Variants in YEATS2 observed in about 807,000 individuals in gnomAD.
YEATS2 encodes the protein YEATS domain containing 2.
YEATS2 carries 77 observed loss-of-function variants against 163.2 expected under a neutral mutation model. The ratio of observed to expected loss-of-function variants is 0.47; its 90% CI spans 0.39 to 0.57. YEATS2 has a LOEUF of 0.57. YEATS2 is among the 20% of genes least tolerant of loss of function. The pLI, the probability that YEATS2 is intolerant of heterozygous loss-of-function variation, is 0.00. For missense variants in YEATS2, 1,549 were observed against 1,729.8 expected (o/e 0.90, Z 1.85); for synonymous variants, 631 against 645.1 (o/e 0.98, Z 0.33).
chr3:183,790,460 C>T (rs1255501329), intron 20 of YEATS2, among the ~76,000 whole-genome samples: 1 of 152,050 alleles, frequency 6.6e-6, no homozygotes, highest in African/African-American at 2.4e-5. Context: ...CATTTTTAGT[C>T]CATGTGTATA....
chr3:183,775,279 G>C (rs548596430), intron 17 of YEATS2, among the ~76,000 whole-genome samples: 3 of 152,302 alleles, frequency 2.0e-5, no homozygotes, highest in Non-Finnish European at 4.4e-5. Context: ...GCACCTAGCT[G>C]AGCACATTTA....
At chr3:183,798,795 G>A (rs1046190867) in intron 22 of YEATS2, 96 bp from the exon 23 acceptor site, 8 of 942,640 alleles carry the variant, frequency 8.5e-6, no homozygotes, top group South Asian at 2.7e-5. Flanking sequence ...CCTTTGTGCT[G>A]TTAGTCTAAT....
chr3:183,777,176 C>T (rs962766041), intron 18 of YEATS2, among the ~76,000 whole-genome samples: 20 of 152,304 alleles, frequency 1.3e-4, no homozygotes, highest in Admixed American at 2.0e-4. Flanking sequence ...CTCGTCTCCT[C>T]TTGTCACTGA....
chr3:183,701,690 C>T (rs1021584048), intron 1 of YEATS2, among the ~76,000 whole-genome samples: 2 of 152,184 alleles, frequency 1.3e-5, no homozygotes, highest in African/African-American at 4.8e-5. Flanking sequence ...GCCACTGTGC[C>T]TGGCCTAAAA....
intron 7 of YEATS2, among the ~76,000 whole-genome samples, chr3:183,736,115 T>C (rs1241804340): frequency 1.3e-5 from 2 of 152,238 alleles, no homozygotes; most frequent in African/African-American, 4.8e-5. Flanking sequence ...CCCTCCTTTT[T>C]TCTTCCTTCA....
At chr3:183,788,270 C>T (rs1724258600) in intron 20 of YEATS2, among the ~76,000 whole-genome samples, 1 of 151,768 alleles carries the variant, frequency 6.6e-6, no homozygotes. Context: ...TATTTTTGTA[C>T]CCATTAACCA....
intron 12 of YEATS2, among the ~76,000 whole-genome samples, chr3:183,757,927 T>C (rs1054843502): frequency 6.6e-6 from 1 of 152,228 alleles, no homozygotes; most frequent in African/African-American, 2.4e-5. Flanking sequence ...AGGAATCAGC[T>C]AGAAGTCTTT....
chr3:183,755,794 C>T (rs1459353187), intron 11 of YEATS2, among the ~76,000 whole-genome samples: 2 of 102,392 alleles, frequency 2.0e-5, no homozygotes, highest in African/African-American at 8.8e-5. Flanking sequence ...GCTCTTGTTG[C>T]CCAGGCTGGA....
intron 14 of YEATS2, 87 bp from the exon 15 acceptor site, chr3:183,762,010 T>G: frequency 6.4e-7 from 1 of 1,562,694 alleles, no homozygotes; most frequent in Non-Finnish European, 8.8e-7. Context: ...CATTAATCCC[T>G]GCAAACGGAG....
rs1473818577 is a variant in YEATS2, at chr3:183,811,126, C to T, written c.*543C>T. ...GAGTCAGCTATAGGAAGAGGCCATACCTAGAGCCAAGAACCATGAAGGCCT... is the reference window on the plus strand; with the variant it reads ...GAGTCAGCTATAGGAAGAGGCCATATCTAGAGCCAAGAACCATGAAGGCCT... On this transcript the variant is annotated 3_prime_UTR_variant, in exon 31 of 31. Coordinates refer to ENST00000305135, the MANE Select transcript of YEATS2 (RefSeq NM_018023.5). The T allele has an allele frequency of 6.5e-6, 1 of 153,910 alleles. No individual in the cohort carries two copies. Among genetic ancestry groups the T allele is most frequent in the East Asian group, 1.9e-4 (1 of 5,226 alleles). 9.5% of individuals were successfully genotyped at this position (153,910 alleles called of 1,614,324 possible).
intron 19 of YEATS2, among the ~76,000 whole-genome samples, chr3:183,780,495 A>G (rs953922910): frequency 1.3e-5 from 2 of 152,178 alleles, no homozygotes; most frequent in African/African-American, 4.8e-5. Flanking sequence ...CTTGTCCACT[A>G]TTGGGCTCCT....
chr3:183,733,989 C>T (rs112261289), intron 7 of YEATS2, among the ~76,000 whole-genome samples: 4,223 of 152,154 alleles, frequency 0.028, 186 homozygotes, highest in African/African-American at 0.095. Flanking sequence ...GAAACTGGAG[C>T]GGGCCAGCTC....
intron 19 of YEATS2, 128 bp from the exon 20 acceptor site, chr3:183,785,997 A>T: frequency 9.6e-7 from 1 of 1,046,426 alleles, no homozygotes; most frequent in South Asian, 1.7e-5. Context: ...CACCTCATGT[A>T]GGTTGGATTG....
intron 20 of YEATS2, among the ~76,000 whole-genome samples, chr3:183,789,080 G>C (rs1295689474): frequency 6.6e-6 from 1 of 152,272 alleles, no homozygotes; most frequent in African/African-American, 2.4e-5. Context: ...TCTGTGGGCT[G>C]TCTCTTTGTT....
intron 17 of YEATS2, among the ~76,000 whole-genome samples, chr3:183,775,419 A>T: frequency 6.6e-6 from 1 of 151,874 alleles, no homozygotes. Flanking sequence ...AACATGGTGA[A>T]ACCCCCTCTC....
chr3:183,771,588 T>C (rs1366250200), intron 15 of YEATS2, among the ~76,000 whole-genome samples: 1 of 137,506 alleles, frequency 7.3e-6, no homozygotes, highest in Non-Finnish European at 1.5e-5. Flanking sequence ...TCTTGCTCTG[T>C]CACCCAGGCT....
At chr3:183,752,728 T>C (rs1249033645) in intron 10 of YEATS2, among the ~76,000 whole-genome samples, 1 of 150,242 alleles carries the variant, frequency 6.7e-6, no homozygotes, top group Admixed American at 6.7e-5. Flanking sequence ...AAAAAAAATT[T>C]CCATGAAGTT....
chr3:183,769,342 G>A (rs1018085009), intron 15 of YEATS2, among the ~76,000 whole-genome samples: 7 of 152,188 alleles, frequency 4.6e-5, no homozygotes, highest in East Asian at 1.9e-4. Flanking sequence ...GGCCGAATGC[G>A]GAAGACAGCC....
rs1577067216 is a variant in YEATS2 at position 183,727,927 on chromosome 3, A to G, written c.651-763A>G. Among the ~76,000 whole-genome samples the G allele has an allele frequency of 1.3e-5, 2 of 148,756 alleles. 1 individual carries two copies. Among genetic ancestry groups the G allele is most frequent in the Admixed American group, 1.4e-4 (2 of 14,592 alleles). On this transcript the variant is annotated intron_variant, in intron 6 of 30. Coordinates refer to ENST00000305135, the MANE Select transcript of YEATS2 (RefSeq NM_018023.5). ...CAGTTTATTTCCACCTTATGTCTTTATCTGGCAGGAAAAACAAGTTTGCCT... is the reference window on the plus strand; with the variant it reads ...CAGTTTATTTCCACCTTATGTCTTTGTCTGGCAGGAAAAACAAGTTTGCCT...
Sources: allele counts gnomAD v4.1 joint callset (sites outside exome capture counted in the v4.1 genomes callset), GRCh38; gene constraint gnomAD v4.1.1; transcripts MANE v1.5; gene names NCBI Gene and HGNC (gene_info 2026-07-23, HGNC 2026-07-21).